The following SLC9D1 variants were observed in gnomAD, a reference collection of about 807,000 sequenced individuals.
SLC9D1 encodes putative LAG1-interacting protein.
chr13:113,518,425 T>C, the SLC9D1 span, among the ~76,000 whole-genome samples: 6 of 152,242 alleles, frequency 3.9e-5, no homozygotes, highest in Non-Finnish European at 7.3e-5. Context: ...CAGTTCACTA[T>C]GATCGGTGCA....
chr13:113,542,577 T>C, the SLC9D1 span, among the ~76,000 whole-genome samples: 1 of 152,226 alleles, frequency 6.6e-6, no homozygotes, highest in East Asian at 1.9e-4. Flanking sequence ...GAGGAAATAC[T>C]AACTTTGACA....
the SLC9D1 span, among the ~76,000 whole-genome samples, chr13:113,540,990 T>G: frequency 1.3e-5 from 2 of 152,176 alleles, no homozygotes; most frequent in Non-Finnish European, 2.9e-5. Flanking sequence ...CTGGTGCTTG[T>G]TATCGTAGGC....
the SLC9D1 span, among the ~76,000 whole-genome samples, chr13:113,540,943 G>C: frequency 4.6e-5 from 7 of 152,168 alleles, no homozygotes; most frequent in African/African-American, 1.7e-4. Flanking sequence ...GCTGGCCAGC[G>C]ATCCCAGCAC....
chr13:113,523,118 C>CTT, the SLC9D1 span, among the ~76,000 whole-genome samples: 144 of 141,378 alleles, frequency 1.0e-3, no homozygotes, highest in African/African-American at 3.3e-3. Flanking sequence ...GTAGTTCTCT[C>CTT]TTTTTTTTTT....
the SLC9D1 span, among the ~76,000 whole-genome samples, chr13:113,509,121 C>G: frequency 8.2e-6 from 1 of 121,548 alleles, no homozygotes; most frequent in African/African-American, 3.4e-5. Context: ...GGCTGGTGGG[C>G]TTGGTGGGTG....
At chr13:113,532,360 G>A in the SLC9D1 span, among the ~76,000 whole-genome samples, 3 of 152,188 alleles carry the variant, frequency 2.0e-5, no homozygotes, top group African/African-American at 4.8e-5. Context: ...ATGCAGCTAA[G>A]CCTGTTGGGA....
the SLC9D1 span, among the ~76,000 whole-genome samples, chr13:113,538,597 T>C: frequency 6.6e-6 from 1 of 152,266 alleles, no homozygotes; most frequent in Non-Finnish European, 1.5e-5. Flanking sequence ...TGGGTCTCTG[T>C]GTCTTGCAGT....
the SLC9D1 span, chr13:113,504,261 A>G: frequency 6.6e-6 from 1 of 152,276 alleles, no homozygotes; most frequent in East Asian, 1.9e-4. Flanking sequence ...CATTTTAAAC[A>G]AAGTGACTTA....
At chr13:113,547,009 G>A in the SLC9D1 span, 4 of 392,498 alleles carry the variant, frequency 1.0e-5, no homozygotes, top group African/African-American at 2.1e-5. Context: ...GTGCCAGACC[G>A]AGTGCCGCCT....
At chr13:113,495,923 C>T in the SLC9D1 span, 1 of 1,614,108 alleles carries the variant, frequency 6.2e-7, no homozygotes, top group Non-Finnish European at 8.5e-7. Flanking sequence ...TCCAAGCTGT[C>T]TACGGACTGC....
the SLC9D1 span, chr13:113,539,283 G>A: frequency 4.1e-6 from 6 of 1,447,256 alleles, no homozygotes; most frequent in South Asian, 1.2e-5. The surrounding 1 kb of genome is among the most constrained non-coding windows in gnomAD (Gnocchi z 4.8). Context: ...GCTGGGTCTC[G>A]GGGTGGCCTT....
chr13:113,498,604 A>G, the SLC9D1 span: 139,225 of 1,064,866 alleles, frequency 0.13, 11,285 homozygotes, highest in African/African-American at 0.35. Flanking sequence ...GTTCACGTGT[A>G]TGTTTTTAAT....
the SLC9D1 span, chr13:113,536,704 TC>T: frequency 4.2e-6 from 1 of 237,032 alleles, no homozygotes; most frequent in Non-Finnish European, 6.9e-6. Context: ...CTTCTGCACA[TC>T]TGCACCCGAT....
the SLC9D1 span, chr13:113,511,774 G>A: frequency 0.18 from 28,157 of 152,236 alleles, 3,419 homozygotes; most frequent in African/African-American, 0.35. Context: ...GCCCGCACAC[G>A]GGACACCCAC....
At chr13:113,518,195 T>C in the SLC9D1 span, among the ~76,000 whole-genome samples, 1 of 152,176 alleles carries the variant, frequency 6.6e-6, no homozygotes, top group Non-Finnish European at 1.5e-5. Context: ...AATATTTTCA[T>C]CTTGTCTGGT....
At chr13:113,540,762 T>A in the SLC9D1 span, among the ~76,000 whole-genome samples, 1 of 152,230 alleles carries the variant, frequency 6.6e-6, no homozygotes, top group Non-Finnish European at 1.5e-5. Flanking sequence ...TTGTTACCGT[T>A]GCGATTGCGT....
the SLC9D1 span, among the ~76,000 whole-genome samples, chr13:113,532,826 TG>T: frequency 1.5e-5 from 2 of 132,558 alleles, no homozygotes; most frequent in African/African-American, 2.9e-5. Flanking sequence ...TGAAGGACGC[TG>T]CCTCCCTCCT....
the SLC9D1 span, among the ~76,000 whole-genome samples, chr13:113,519,678 C>A: frequency 6.7e-6 from 1 of 148,900 alleles, no homozygotes; most frequent in African/African-American, 2.5e-5. Context: ...CATTTGGACA[C>A]CAAGTCTGTG....
chr13:113,539,769 C>T, the SLC9D1 span, among the ~76,000 whole-genome samples: 1 of 152,016 alleles, frequency 6.6e-6, no homozygotes, highest in African/African-American at 2.4e-5. This position sits in a 1 kb window ranked among gnomAD's most constrained non-coding sequence, Gnocchi z 4.8. Flanking sequence ...GTCTGTGACA[C>T]GGGTAGTGAG....
Sources: allele counts gnomAD v4.1 joint callset (sites outside exome capture counted in the v4.1 genomes callset), GRCh38; gene constraint gnomAD v4.1.1; non-coding constraint Gnocchi (gnomAD v3.1); transcripts MANE v1.5; gene names NCBI Gene and HGNC (gene_info 2026-07-23, HGNC 2026-07-21).